Variants in FLACC1 observed in about 807,000 individuals in gnomAD.
The protein encoded by FLACC1 is flagellum associated containing coiled-coil domains 1.
A neutral mutation model predicts 62.8 loss-of-function variants in FLACC1; 66 were observed. The observed-to-expected ratio is 1.05, with a 90% CI of 0.86 to 1.29. The LOEUF (loss-of-function observed/expected upper bound fraction) is 1.29, where lower values mean the gene tolerates loss of function less well. Among genes scored for constraint, FLACC1 ranks in the 50% most tolerant of loss-of-function variants. The pLI is 0.00. For missense variants in FLACC1, 452 were observed against 489.1 expected, an observed-to-expected ratio of 0.92 and a Z score of 0.71; for synonymous variants, 156 against 161.0, an observed-to-expected ratio of 0.97 and a Z score of 0.24.
intron 12 of FLACC1, among the ~76,000 whole-genome samples, chr2:201,297,630 A>G (rs1179142385): frequency 6.6e-6 from 1 of 152,204 alleles, no homozygotes; most frequent in Non-Finnish European, 1.5e-5. Flanking sequence ...TTTACTTGTG[A>G]TTTTAACAAG....
In FLACC1 at chr2:201,330,817, G is replaced by A. The variant is rs779096951; in HGVS notation, c.541C>T (p.His181Tyr). 6 of 1,613,250 alleles carry A rather than the reference G, an allele frequency of 3.7e-6. No homozygotes were observed. Among genetic ancestry groups the A allele is most frequent in the South Asian group, 2.2e-5 (2 of 91,050 alleles). Residue 181 changes from histidine to tyrosine, a missense_variant, in exon 8 of 15, where the codon CAT (histidine) becomes TAT (tyrosine). His to Tyr is a moderately conservative substitution (Grantham distance 83, BLOSUM62 2). Transcript: ENST00000392257. ...TCCAACTCACTGAGTTCTGCTTCAT[G>A]GGCCTCTTTGAGCTCCCTGTGGGAC... ...ENKNRELKEA[H>Y]EAELSELENN...
At chr2:201,297,455 T>C in intron 12 of FLACC1, among the ~76,000 whole-genome samples, 1 of 152,098 alleles carries the variant, frequency 6.6e-6, no homozygotes, top group Non-Finnish European at 1.5e-5. Context: ...AGAGTTCTAG[T>C]TCTAGTAAAG....
At chr2:201,328,804 T>C (rs1316337063) in intron 9 of FLACC1, among the ~76,000 whole-genome samples, 1 of 152,254 alleles carries the variant, frequency 6.6e-6, no homozygotes, top group East Asian at 1.9e-4. Context: ...AAAAATGGGC[T>C]GAAAACCTAT....
intron 9 of FLACC1, among the ~76,000 whole-genome samples, chr2:201,319,367 G>A (rs564388806): frequency 6.6e-6 from 1 of 152,070 alleles, no homozygotes; most frequent in Non-Finnish European, 1.5e-5. Flanking sequence ...AACCCAAGAT[G>A]CCTTAAAGAT....
chr2:201,333,917 C>A (rs1435673434), intron 7 of FLACC1, among the ~76,000 whole-genome samples: 4 of 152,128 alleles, frequency 2.6e-5, no homozygotes, highest in Non-Finnish European at 4.4e-5. Flanking sequence ...TGGGTATATA[C>A]CCAGTAATGG....
chr2:201,342,427 G>C lies in FLACC1; in HGVS notation c.467C>G (p.Ser156Cys). The change falls in exon 7 of 15, where the codon TCC (serine) becomes TGC (cysteine). Residue 156 changes from serine to cysteine, a missense_variant. Physicochemically the swap from Ser to Cys is moderately radical, Grantham distance 112. Around this residue, in one of 3 missense-constraint regions of FLACC1, gnomAD observed 301 missense variants for 318.4 expected, o/e 0.95. Transcript: ENST00000392257. ...AGCACAGCGGAGATCCATTTCACTG[G>C]AGAGCTGGAAACAAAATCAGCATCT... is the stretch of plus-strand genomic sequence containing the variant. ...RDHQSAQKLL[S>C]SEMDLRCAEM... 3 of 1,614,188 alleles carry C rather than the reference G, an allele frequency of 1.9e-6. No individual in the cohort carries two copies. Among genetic ancestry groups the C allele is most frequent in the Non-Finnish European group, 2.5e-6 (3 of 1,180,026 alleles).
the FLACC1 span, among the ~76,000 whole-genome samples, chr2:201,363,618 C>T: frequency 2.6e-4 from 40 of 151,940 alleles, no homozygotes; most frequent in Admixed American, 6.6e-4. Flanking sequence ...AACCCTCCTA[C>T]GCAGAGGTCT....
intron 3 of FLACC1, 113 bp downstream of exon 3, chr2:201,350,598 T>G: frequency 1.1e-6 from 1 of 872,040 alleles, no homozygotes; most frequent in Non-Finnish European, 1.8e-6. Flanking sequence ...GGAGAATCGC[T>G]TGAGACTGGG....
At chr2:201,355,033 C>G (rs1247599569) in intron 1 of FLACC1, among the ~76,000 whole-genome samples, 1 of 152,192 alleles carries the variant, frequency 6.6e-6, no homozygotes, top group African/African-American at 2.4e-5. Context: ...GCCTGTAATT[C>G]CAGCACTTTG....
At chr2:201,312,735 G>A (rs994553577) in intron 9 of FLACC1, among the ~76,000 whole-genome samples, 14 of 117,648 alleles carry the variant, frequency 1.2e-4, no homozygotes, top group African/African-American at 4.3e-4. Context: ...GCTCCCACTC[G>A]GATGGACAGA....
intron 12 of FLACC1, among the ~76,000 whole-genome samples, chr2:201,296,276 T>C (rs1161562995): frequency 6.6e-6 from 1 of 151,858 alleles, no homozygotes; most frequent in African/African-American, 2.4e-5. Context: ...TGTCGAACAA[T>C]GATAGACTGG....
At chr2:201,290,564 C>T (rs895431182) in intron 12 of FLACC1, among the ~76,000 whole-genome samples, 8 of 152,076 alleles carry the variant, frequency 5.3e-5, no homozygotes, top group Admixed American at 1.3e-4. Flanking sequence ...CCAAGACAGC[C>T]GAATAGGAAC....
intron 7 of FLACC1, among the ~76,000 whole-genome samples, chr2:201,341,704 C>G (rs895572089): frequency 6.6e-6 from 1 of 152,018 alleles, no homozygotes; most frequent in African/African-American, 2.4e-5. Flanking sequence ...TTCTTAATAT[C>G]ATACATTATT....
rs558801540 is a variant in FLACC1, at chr2:201,308,772, C to A, written c.775+379G>T. Reference sequence around the variant, plus strand: ...TTGTGTTGTTCCTATCTGCCCCCTGCCCACATGCAAGTGAACATTTCACAT... The same window carrying A: ...TTGTGTTGTTCCTATCTGCCCCCTGACCACATGCAAGTGAACATTTCACAT... On this transcript the variant is annotated intron_variant, in intron 10 of 14. Coordinates refer to ENST00000392257, the MANE Select transcript of FLACC1 (RefSeq NM_001127391.3). 3.3e-5 allele frequency among the ~76,000 whole-genome samples: 5 copies of A among 152,308 alleles called. No homozygotes were observed. The East Asian group carries it at 7.7e-4, about 23-fold the overall frequency.
chr2:201,362,640 GT>G, the FLACC1 span, among the ~76,000 whole-genome samples: 41 of 152,326 alleles, frequency 2.7e-4, no homozygotes, highest in African/African-American at 9.1e-4. Context: ...AGAGCACTTT[GT>G]TTCTCGCAAG....
At chr2:201,320,492 G>A (rs1435919160) in intron 9 of FLACC1, among the ~76,000 whole-genome samples, 1 of 152,254 alleles carries the variant, frequency 6.6e-6, no homozygotes, top group African/African-American at 2.4e-5. Context: ...TGCTGCCAGT[G>A]GAACACTGTG....
intron 11 of FLACC1, among the ~76,000 whole-genome samples, chr2:201,301,775 A>G (rs1037676400): frequency 6.6e-6 from 1 of 152,242 alleles, no homozygotes; most frequent in African/African-American, 2.4e-5. Flanking sequence ...AGTGGGGGCC[A>G]ATATTCAACA....
chr2:201,316,854 C>T (rs1248952637), intron 9 of FLACC1, among the ~76,000 whole-genome samples: 5 of 152,054 alleles, frequency 3.3e-5, no homozygotes, highest in Non-Finnish European at 7.4e-5. Context: ...AGATAATCCA[C>T]CATAATCAAG....
intron 12 of FLACC1, among the ~76,000 whole-genome samples, chr2:201,294,595 C>T (rs1490203550): frequency 6.6e-6 from 1 of 152,140 alleles, no homozygotes; most frequent in Non-Finnish European, 1.5e-5. Context: ...GGAAGCATTC[C>T]CTTTGAAAAC....
Sources: gnomAD v4.1 joint callset for allele counts (sites outside exome capture counted in the v4.1 genomes callset) on GRCh38, gnomAD v4.1.1 for gene constraint, gnomAD v4.1.1 regional missense constraint, MANE v1.5 for transcripts, NCBI Gene and HGNC (gene_info 2026-07-23, HGNC 2026-07-21) for gene names.